Variants in PCNX1 observed in about 807,000 individuals in gnomAD.
PCNX1 encodes pecanex 1.
PCNX1 carries 78 observed loss-of-function variants against 242.2 expected under a neutral mutation model. The observed-to-expected ratio is 0.32, with a 90% CI of 0.27 to 0.39. The LOEUF (loss-of-function observed/expected upper bound fraction) is 0.39. Among genes scored for constraint, PCNX1 ranks in the 10% least tolerant of loss-of-function variants. PCNX1 has a pLI of 1.00. For synonymous variants in PCNX1, 1,024 were observed against 1,032.9 expected (o/e 0.99, Z 0.17); for missense variants, 2,581 against 2,856.5 (o/e 0.90, Z 2.20).
intron 1 of PCNX1, among the ~76,000 whole-genome samples, chr14:70,937,532 T>C (rs1309619556): frequency 2.0e-5 from 3 of 152,126 alleles, no homozygotes; most frequent in Non-Finnish European, 4.4e-5. Flanking sequence ...TTTTGGTTAC[T>C]GTAGCCTTGT....
Position 71,001,133 on chromosome 14 carries a change from T to G in PCNX1, c.2629+5208T>G, listed in dbSNP as rs115627312. Among the ~76,000 whole-genome samples, 1,357 of 142,790 alleles carry G rather than the reference T, an allele frequency of 9.5e-3. 9 individuals are homozygous for G. The highest frequency in any genetic ancestry group is 0.018 in the South Asian group (82 of 4,520). The allele number at this position is 142,790 out of a possible 152,430, so 93.7% of individuals were successfully genotyped here. A position where few individuals can be genotyped will look rare whatever the true frequency, so the allele number is the denominator to read the frequency against. Reference sequence around the variant, plus strand: ...ATATAATCATCTTTGTCATTATTGATAAAATATTATATCATTATTTAATCA... The same window carrying G: ...ATATAATCATCTTTGTCATTATTGAGAAAATATTATATCATTATTTAATCA... On this transcript the variant is annotated intron_variant, in intron 8 of 35. Transcript: ENST00000304743.
chr14:71,007,125 C>A (rs1199430525), intron 8 of PCNX1, among the ~76,000 whole-genome samples: 1 of 151,898 alleles, frequency 6.6e-6, no homozygotes, highest in Non-Finnish European at 1.5e-5. Flanking sequence ...TGGATAGAAT[C>A]ATTCAGAGTT....
chr14:71,086,468 A>G (rs1351596906), intron 28 of PCNX1, among the ~76,000 whole-genome samples: 5 of 151,692 alleles, frequency 3.3e-5, no homozygotes, highest in Non-Finnish European at 7.4e-5. Context: ...GTTTTGTGAC[A>G]CAGTTAAATT....
Position 71,089,294 on chromosome 14 carries a change from A to T in PCNX1, c.5541A>T (p.Leu1847=). The T allele has an allele frequency of 6.2e-7, 1 of 1,613,046 alleles. No individual in the cohort carries two copies. The highest frequency in any genetic ancestry group is 8.5e-7 in the Non-Finnish European group (1 of 1,179,226). ...GGATCTTTGCTGACATGGAATTGCTAAGAAAAGTAGTAGTCCCTGGGATCC... is the reference window on the plus strand; with the variant it reads ...GGATCTTTGCTGACATGGAATTGCTTAGAAAAGTAGTAGTCCCTGGGATCC... ...DEWIFADMEL[L]RKVVVPGIRM... The change falls in exon 30 of 36, where the codon CTA becomes CTT. Residue 1847 remains leucine, a synonymous_variant. Transcript: ENST00000304743.
intron 1 of PCNX1, among the ~76,000 whole-genome samples, chr14:70,940,273 G>C (rs1017287820): frequency 1.3e-5 from 2 of 152,178 alleles, no homozygotes; most frequent in African/African-American, 4.8e-5. Flanking sequence ...GCTACTGGTT[G>C]TTCCTTTCCA....
intron 1 of PCNX1, among the ~76,000 whole-genome samples, chr14:70,937,723 G>A (rs556751403): frequency 1.3e-5 from 2 of 152,280 alleles, no homozygotes; most frequent in South Asian, 4.1e-4. Flanking sequence ...ATTACCTTGG[G>A]CAGTATGTCC....
At chr14:71,050,610 G>GTTTT in intron 22 of PCNX1, 42 bp from the exon 23 acceptor site, 20 of 1,298,436 alleles carry the variant, frequency 1.5e-5, no homozygotes, top group South Asian at 8.7e-5. Context: ...TATCTGATAA[G>GTTTT]TTTTTTTTTT....
intron 16 of PCNX1, among the ~76,000 whole-genome samples, chr14:71,031,519 G>A (rs2140924683): frequency 1.3e-5 from 2 of 152,262 alleles, no homozygotes; most frequent in Middle Eastern, 3.4e-3. Flanking sequence ...CAGCACCTAG[G>A]GCCCCACAGG....
At chr14:71,100,112 G>A (rs1383844286) in intron 30 of PCNX1, among the ~76,000 whole-genome samples, 1 of 152,092 alleles carries the variant, frequency 6.6e-6, no homozygotes, top group African/African-American at 2.4e-5. Flanking sequence ...TTAGGAAGTT[G>A]TTGGTCCTAT....
chr14:70,908,262 A>G (rs1265560169), intron 1 of PCNX1, among the ~76,000 whole-genome samples: 1 of 151,556 alleles, frequency 6.6e-6, no homozygotes, highest in African/African-American at 2.4e-5. Flanking sequence ...GCAGCGTCCT[A>G]GGCCCCTTCT....
intron 1 of PCNX1, among the ~76,000 whole-genome samples, chr14:70,933,381 T>C (rs1050638721): frequency 3.9e-5 from 6 of 152,036 alleles, no homozygotes; most frequent in African/African-American, 1.5e-4. Context: ...CCCATGGAGG[T>C]TTTTGTATGC....
intron 12 of PCNX1, among the ~76,000 whole-genome samples, chr14:71,020,217 A>G (rs559155678): frequency 1.3e-3 from 198 of 152,306 alleles, no homozygotes; most frequent in African/African-American, 4.4e-3. Flanking sequence ...AGTCTTTGCT[A>G]TTGTGAACAG....
At chr14:71,105,166 A>C in intron 32 of PCNX1, 69 bp from the exon 33 acceptor site, 1 of 1,200,832 alleles carries the variant, frequency 8.3e-7, no homozygotes, top group South Asian at 1.3e-5. Context: ...GAATAGCTGG[A>C]AAAAGAATAA....
intron 30 of PCNX1, among the ~76,000 whole-genome samples, chr14:71,094,534 T>C (rs2062220723): frequency 6.6e-6 from 1 of 152,262 alleles, no homozygotes; most frequent in South Asian, 2.1e-4. Context: ...TTTGATGATG[T>C]ACTTTTAGTA....
chr14:70,961,651 T>C (rs1422041755), intron 2 of PCNX1, among the ~76,000 whole-genome samples: 2 of 152,200 alleles, frequency 1.3e-5, no homozygotes, highest in African/African-American at 4.8e-5. Flanking sequence ...CATGTACAGA[T>C]CTAAAATCTT....
chr14:70,990,212 G>T (rs187906751), intron 7 of PCNX1, among the ~76,000 whole-genome samples: 20 of 151,910 alleles, frequency 1.3e-4, no homozygotes, highest in Admixed American at 1.2e-3. Context: ...TCTGGGGGCT[G>T]CCCAGTTCAC....
In PCNX1 at chr14:70,995,616, C is replaced by T. The variant is rs368806609; in HGVS notation, c.2445-125C>T. 78 of 716,362 alleles carry T rather than the reference C, an allele frequency of 1.1e-4. No individual in the cohort carries two copies. The South Asian group carries it at 1.2e-3, about 11-fold the overall frequency. The allele number at this position is 716,362 out of a possible 1,614,324, so 44.4% of individuals were successfully genotyped here. Reference sequence around the variant, plus strand: ...CTGTATATTTTGCAAAGTTTGTTGGCGCTTTCTTAGGTTATGTTGAAAAAA... The same window carrying T: ...CTGTATATTTTGCAAAGTTTGTTGGTGCTTTCTTAGGTTATGTTGAAAAAA... On this transcript the variant is annotated intron_variant, in intron 7 of 35. Transcript: ENST00000304743.
chr14:70,988,629 G>C lies in PCNX1; in HGVS notation c.2374G>C (p.Ala792Pro), dbSNP rs758067340. ...RRERSTFRRQAVRRRHNAGSN... is the reference protein window; with the variant it reads ...RRERSTFRRQPVRRRHNAGSN... ...TGAACGCAGCACATTTAGGCGCCAG[G>C]CAGTACGGCGCCGGCACAATGCAGG... The change falls in exon 7 of 36, where the codon GCA becomes CCA. Residue 792 changes from alanine (A) to proline (P), a missense_variant. This residue lies in a region of PCNX1 where 1,204 missense variants were observed against 1,216.7 expected (regional missense o/e 0.99). Coordinates refer to ENST00000304743, the MANE Select transcript of PCNX1 (RefSeq NM_014982.3). 6.2e-7 allele frequency: 1 copy of C among 1,613,968 alleles called. No individual in the cohort carries two copies. Among genetic ancestry groups the C allele is most frequent in the Non-Finnish European group, 8.5e-7 (1 of 1,179,888 alleles).
chr14:70,964,073 CT>C (rs1327222739), intron 3 of PCNX1, among the ~76,000 whole-genome samples: 1 of 151,436 alleles, frequency 6.6e-6, no homozygotes, highest in East Asian at 1.9e-4. Flanking sequence ...TAGATTGATA[CT>C]TTTTTTTTCT....
Sources: gnomAD v4.1 joint callset for allele counts (sites outside exome capture counted in the v4.1 genomes callset) on GRCh38, gnomAD v4.1.1 for gene constraint, gnomAD v4.1.1 regional missense constraint, MANE v1.5 for transcripts, NCBI Gene and HGNC (gene_info 2026-07-23, HGNC 2026-07-21) for gene names.